KCNIP4: variants seen among roughly 807,000 people sequenced by gnomAD.
The protein encoded by KCNIP4 is potassium voltage-gated channel interacting protein 4.
In KCNIP4, 12 loss-of-function variants were observed where a neutral mutation model predicts 34.0. That is an observed-to-expected ratio of 0.35 (90% CI 0.23 to 0.57). The LOEUF (loss-of-function observed/expected upper bound fraction) is 0.57. Among genes scored for constraint, KCNIP4 ranks in the 20% least tolerant of loss-of-function variants. The pLI is 0.83. For missense variants in KCNIP4, 238 were observed against 311.7 expected (o/e 0.76, Z 1.78); for synonymous variants, 124 against 102.2 (o/e 1.21, Z -1.29).
chr4:21,308,711 A>AGAGTGTGTGT (rs112369238), intron 1 of KCNIP4, among the ~76,000 whole-genome samples: 2 of 149,874 alleles, frequency 1.3e-5, no homozygotes, highest in Admixed American at 6.6e-5. Flanking sequence ...CTGCCGTGTG[A>AGAGTGTGTGT]GTGTGTGTGT....
At chr4:21,362,660 G>A (rs951790168) in intron 1 of KCNIP4, among the ~76,000 whole-genome samples, 1 of 152,050 alleles carries the variant, frequency 6.6e-6, no homozygotes, top group Non-Finnish European at 1.5e-5. Flanking sequence ...GTCCTCCCCT[G>A]CACAAATGAA....
intron 1 of KCNIP4, among the ~76,000 whole-genome samples, chr4:21,415,399 A>C (rs547073514): frequency 2.6e-4 from 40 of 152,192 alleles, no homozygotes; most frequent in African/African-American, 9.6e-4. Flanking sequence ...CCTTTAGTAA[A>C]TAATATTGCA....
At chr4:21,820,273 A>G (rs989841288) in intron 1 of KCNIP4, among the ~76,000 whole-genome samples, 4 of 45,990 alleles carry the variant, frequency 8.7e-5, no homozygotes, top group African/African-American at 2.3e-4. Context: ...TATCTTATGT[A>G]TGTGTGTGTG....
At chr4:21,859,769 CT>C (rs1426476044) in intron 1 of KCNIP4, among the ~76,000 whole-genome samples, 1 of 152,188 alleles carries the variant, frequency 6.6e-6, no homozygotes, top group East Asian at 1.9e-4. Context: ...CGGCTCATGC[CT>C]GTAATCCCAG....
At chr4:20,854,171 CA>C (rs1204244410) in intron 2 of KCNIP4, among the ~76,000 whole-genome samples, 2 of 152,146 alleles carry the variant, frequency 1.3e-5, no homozygotes, top group African/African-American at 4.8e-5. Flanking sequence ...AGTCATTATT[CA>C]AAAAAGATAC....
At chr4:21,154,289 T>G (rs892314) in intron 1 of KCNIP4, among the ~76,000 whole-genome samples, 99,696 of 152,050 alleles carry the variant, frequency 0.66, 33,209 homozygotes, top group African/African-American at 0.77. Context: ...AGATATCACA[T>G]AAATGACACA....
intron 1 of KCNIP4, among the ~76,000 whole-genome samples, chr4:21,707,216 T>G (rs1229472938): frequency 6.6e-6 from 1 of 152,176 alleles, no homozygotes; most frequent in Non-Finnish European, 1.5e-5. Flanking sequence ...TGTCACACAA[T>G]GAAGACTAAA....
At chr4:21,036,658 G>A (rs539677928) in intron 1 of KCNIP4, among the ~76,000 whole-genome samples, 65 of 152,258 alleles carry the variant, frequency 4.3e-4, no homozygotes, top group African/African-American at 1.3e-3. Context: ...TTGGGGAGGC[G>A]GAGGTTGCAG....
chr4:20,748,320 C>G (rs999346296), intron 5 of KCNIP4, among the ~76,000 whole-genome samples: 17 of 151,996 alleles, frequency 1.1e-4, no homozygotes, highest in Non-Finnish European at 1.6e-4. Flanking sequence ...GCCCCACTCT[C>G]CATTGCTTCC....
chr4:21,390,484 G>A (rs1356212526), intron 1 of KCNIP4, among the ~76,000 whole-genome samples: 4 of 152,118 alleles, frequency 2.6e-5, no homozygotes, highest in Non-Finnish European at 4.4e-5. Flanking sequence ...TTTGTATAAG[G>A]TGTAAGGAAG....
At chr4:20,732,552 G>A (rs2149265242) in intron 7 of KCNIP4, 129 bp downstream of exon 7, 1 of 680,440 alleles carries the variant, frequency 1.5e-6, no homozygotes, top group South Asian at 1.6e-5. Flanking sequence ...TTAATAGGAT[G>A]CTAAATACTG....
intron 1 of KCNIP4, among the ~76,000 whole-genome samples, chr4:21,252,120 TGAG>T (rs1760747063): frequency 7.3e-6 from 1 of 136,652 alleles, no homozygotes; most frequent in African/African-American, 3.0e-5. Context: ...GTAACATGAA[TGAG>T]GTTTTGTTTT....
chr4:21,543,126 A>C (rs1262278541), intron 1 of KCNIP4, among the ~76,000 whole-genome samples: 1 of 152,112 alleles, frequency 6.6e-6, no homozygotes, highest in Non-Finnish European at 1.5e-5. Context: ...AAGTAAAATA[A>C]AGCTTTCCTA....
chr4:21,937,675 C>T (rs1448047530), intron 1 of KCNIP4, among the ~76,000 whole-genome samples: 1 of 152,066 alleles, frequency 6.6e-6, no homozygotes, highest in African/African-American at 2.4e-5. Flanking sequence ...ACCGAACCTC[C>T]ATCTCTGTAT....
chr4:21,280,221 T>A (rs1247894664), intron 1 of KCNIP4, among the ~76,000 whole-genome samples: 3 of 152,180 alleles, frequency 2.0e-5, no homozygotes, highest in East Asian at 3.9e-4. Context: ...ACACAGCAAC[T>A]ATGTAATGCA....
chr4:21,307,967 A>T (rs1212657575), intron 1 of KCNIP4, among the ~76,000 whole-genome samples: 1 of 152,236 alleles, frequency 6.6e-6, no homozygotes, highest in Non-Finnish European at 1.5e-5. Context: ...GGTGTGGATG[A>T]TAAGTACCTT....
chr4:21,234,899 C>G (rs1011342097), intron 1 of KCNIP4, among the ~76,000 whole-genome samples: 1 of 151,958 alleles, frequency 6.6e-6, no homozygotes, highest in African/African-American at 2.4e-5. Context: ...CCACCCGCCT[C>G]GGCCTCCCAA....
intron 1 of KCNIP4, among the ~76,000 whole-genome samples, chr4:21,528,869 A>AAGGGAGGG (rs1410687975): frequency 6.9e-6 from 1 of 145,058 alleles, no homozygotes; most frequent in African/African-American, 2.6e-5. Context: ...GGAAGGAAGG[A>AAGGGAGGG]AGGGAAATTC....
intron 2 of KCNIP4, among the ~76,000 whole-genome samples, chr4:20,869,670 T>A (rs1213363463): frequency 6.6e-6 from 1 of 152,120 alleles, no homozygotes; most frequent in Non-Finnish European, 1.5e-5. Context: ...GGGGATAATA[T>A]TTGTATCAAT....
Sources: gnomAD v4.1 joint callset for allele counts (sites outside exome capture counted in the v4.1 genomes callset) on GRCh38, gnomAD v4.1.1 for gene constraint, MANE v1.5 for transcripts, NCBI Gene and HGNC (gene_info 2026-07-23, HGNC 2026-07-21) for gene names.